The following HOXC4 variants were observed in gnomAD, a reference collection of about 807,000 sequenced individuals.
HOXC4 encodes the protein homeobox C4.
HOXC4 carries 15 observed loss-of-function variants against 25.5 expected under a neutral mutation model. The observed-to-expected ratio is 0.59, with a 90% CI of 0.39 to 0.91. The LOEUF is 0.91. HOXC4 is among the 40% of genes least tolerant of loss of function. The pLI is 0.00. For missense variants in HOXC4, 342 were observed against 352.4 expected (o/e 0.97, Z 0.24); for synonymous variants, 165 against 148.0 (o/e 1.11, Z -0.83).
intron 1 of HOXC4, chr12:54,020,460 C>T (rs963272010): frequency 3.3e-5 from 5 of 152,198 alleles, no homozygotes; most frequent in African/African-American, 1.2e-4. Context: ...GTTGTGATCC[C>T]GACAGAATGC....
At chr12:54,036,792 C>A (rs1034682255) in intron 1 of HOXC4, among the ~76,000 whole-genome samples, 1 of 152,332 alleles carries the variant, frequency 6.6e-6, no homozygotes, top group East Asian at 1.9e-4. Context: ...GAAGCACTGG[C>A]GTCTCCGGTG....
Position 54,055,169 on chromosome 12 carries a change from G to A in HOXC4, c.759G>A (p.Pro253=). 3 of 1,610,824 alleles carry A rather than the reference G, an allele frequency of 1.9e-6. No homozygotes were observed. The highest frequency in any genetic ancestry group is 2.2e-5 in the South Asian group (2 of 90,826). ...SEDHSQSATP[P]EQQRAEDITR... Reference sequence around the variant, plus strand: ...ACCACTCCCAGAGCGCCACGCCGCCGGAGCAGCAACGGGCAGAGGACATTA... The same window carrying A: ...ACCACTCCCAGAGCGCCACGCCGCCAGAGCAGCAACGGGCAGAGGACATTA... The change falls in exon 2 of 2, where the codon CCG becomes CCA. Residue 253 remains proline (P), a synonymous_variant. Transcript: ENST00000430889.
chr12:54,043,970 A>C (rs929653624), intron 1 of HOXC4, among the ~76,000 whole-genome samples: 8 of 106,944 alleles, frequency 7.5e-5, no homozygotes, highest in Admixed American at 3.6e-4. Context: ...GTGTGTGTTT[A>C]GGGAGTAGTA....
At position 54,054,920 on chromosome 12, in the gene HOXC4, A is replaced by T; in HGVS notation, c.510A>T (p.Glu170Asp). Residue 170 changes from glutamate to aspartate, a missense_variant, in exon 2 of 2, where the codon GAA (glutamate) becomes GAT (aspartate). Physicochemically the swap from Glu to Asp is conservative, Grantham distance 45. Coordinates refer to ENST00000430889, the MANE Select transcript of HOXC4 (RefSeq NM_153633.3). The part of the protein sequence containing the change: ...RTAYTRQQVL[E>D]LEKEFHYNRY... ...CCTATACCCGGCAGCAAGTCCTGGAATTAGAGAAAGAGTTTCATTACAACC... is the reference window on the plus strand; with the variant it reads ...CCTATACCCGGCAGCAAGTCCTGGATTTAGAGAAAGAGTTTCATTACAACC... 1 of 1,614,060 alleles carries T rather than the reference A, an allele frequency of 6.2e-7. No homozygotes were observed. Among genetic ancestry groups the T allele is most frequent in the Non-Finnish European group, 8.5e-7 (1 of 1,180,014 alleles).
upstream of HOXC4, among the ~76,000 whole-genome samples, chr12:54,050,068 C>T (rs1298157497): frequency 6.6e-6 from 1 of 152,140 alleles, no homozygotes; most frequent in Non-Finnish European, 1.5e-5. Flanking sequence ...AATTGGTTCA[C>T]CCATTTATTT....
chr12:54,032,699 C>G (rs776141940), intron 1 of HOXC4, among the ~76,000 whole-genome samples: 1 of 152,166 alleles, frequency 6.6e-6, no homozygotes, highest in African/African-American at 2.4e-5. Context: ...ATCCAGCCAC[C>G]GGAAAGCAAG....
At chr12:54,051,089 G>A (rs1171366150), upstream of HOXC4, among the ~76,000 whole-genome samples, 1 of 152,086 alleles carries the variant, frequency 6.6e-6, no homozygotes, top group African/African-American at 2.4e-5. Context: ...GTACAGGAGG[G>A]TGAAGATTGA....
intron 1 of HOXC4, among the ~76,000 whole-genome samples, chr12:54,027,700 TC>T (rs895918025): frequency 1.3e-5 from 2 of 151,994 alleles, no homozygotes; most frequent in African/African-American, 4.8e-5. Context: ...AACAGAGGGG[TC>T]CTGAGAAGGA....
chr12:54,034,762 A>C, intron 1 of HOXC4: 1 of 462,614 alleles, frequency 2.2e-6, no homozygotes, highest in Non-Finnish European at 4.0e-6. Context: ...ACTTCCCCGG[A>C]GGGCTGCGGC....
rs2136468242 is a variant in HOXC4, at chr12:54,054,200, A to T, written c.278A>T (p.Lys93Ile). 5 of 1,613,074 alleles carry T rather than the reference A, an allele frequency of 3.1e-6. No individual in the cohort carries two copies. Among genetic ancestry groups the T allele is most frequent in the Non-Finnish European group, 4.2e-6 (5 of 1,179,514 alleles). Residue 93 changes from lysine (K) to isoleucine (I), a missense_variant, in exon 1 of 2, where the codon AAA becomes ATA. Transcript: ENST00000430889. ...CAGGCGGGCCACCACCACCCCGAGA[A>T]ATCACAGTCGCTCTGCGAGCCGGCG... ...PAQAGHHHPE[K>I]SQSLCEPAPL... is the part of the protein sequence containing the mutation.
chr12:54,023,874 G>A (rs181800599), intron 1 of HOXC4, among the ~76,000 whole-genome samples: 40 of 152,306 alleles, frequency 2.6e-4, no homozygotes, highest in Non-Finnish European at 4.9e-4. Context: ...ATGCTTTGGT[G>A]TTCCCAAACA....
chr12:54,028,784 G>T, intron 1 of HOXC4: 1 of 1,614,140 alleles, frequency 6.2e-7, no homozygotes, highest in Non-Finnish European at 8.5e-7. Context: ...TCAAACTGCA[G>T]ACAAAACACC....
Position 54,054,156 on chromosome 12 carries a change from G to A in HOXC4, c.234G>A (p.Ser78=). Residue 78 remains serine (S), a synonymous_variant, in exon 1 of 2, where the codon TCG becomes TCA. Transcript: ENST00000430889. ...CCAGTCTCCAGGGGCCCGGCAATTC[G>A]CGAGGCCACGGGCCGGCCCAGGCGG... ...SCTSLQGPGN[S]RGHGPAQAGH... 6.2e-7 allele frequency: 1 copy of A among 1,613,832 alleles called. No individual in the cohort carries two copies. Among genetic ancestry groups the A allele is most frequent in the Non-Finnish European group, 8.5e-7 (1 of 1,179,946 alleles).
At position 54,047,199 on chromosome 12, in the gene HOXC4, G is replaced by A. The variant is rs558363139; in HGVS notation, c.-123-5961G>A. On this transcript the variant is annotated intron_variant, in intron 1 of 3. Coordinates refer to the HOXC4 transcript ENST00000303406. Reference sequence around the variant, plus strand: ...CTTTCAACACACACCTCATTCGGGGGAGGAGAAAAGCACAGGACCGCGGAG... The same window carrying A: ...CTTTCAACACACACCTCATTCGGGGAAGGAGAAAAGCACAGGACCGCGGAG... Among the ~76,000 whole-genome samples the A allele has an allele frequency of 4.8e-4, 73 of 152,390 alleles. No homozygotes were observed. The South Asian group carries it at 0.015, about 32-fold the overall frequency.
chr12:54,034,307 T>G, intron 1 of HOXC4: 1 of 1,614,086 alleles, frequency 6.2e-7, no homozygotes, highest in Non-Finnish European at 8.5e-7. Flanking sequence ...CCGAACCAGT[T>G]ACACGCGCTA....
chr12:54,034,375 G>T, intron 1 of HOXC4: 1 of 1,614,244 alleles, frequency 6.2e-7, no homozygotes, highest in Non-Finnish European at 8.5e-7. Context: ...CTCGCCGCAG[G>T]CGCATAGAGA....
intron 1 of HOXC4, chr12:54,034,770 G>C (rs1941138185): frequency 4.5e-6 from 2 of 448,558 alleles, no homozygotes; most frequent in South Asian, 2.2e-5. Context: ...GGAGGGCTGC[G>C]GCGTACAGGC....
Position 54,033,035 on chromosome 12 carries a change from T to G in HOXC4, c.-124+15621T>G. 3 of 1,068,138 alleles carry G rather than the reference T, an allele frequency of 2.8e-6. No homozygotes were observed. The South Asian group carries it at 4.6e-5, about 16-fold the overall frequency. 66.2% of individuals were successfully genotyped at this position (1,068,138 alleles called of 1,614,324 possible). ...ATCTCCACCTATAAATTGTCCACTT[T>G]GGAGAACAAAAAACCCCTCAACTTC... On this transcript the variant is annotated intron_variant, in intron 1 of 3. Coordinates refer to the HOXC4 transcript ENST00000303406.
chr12:54,053,920 T>C lies in HOXC4; in HGVS notation c.-3T>C. 3 of 1,598,090 alleles carry C rather than the reference T, an allele frequency of 1.9e-6. No individual in the cohort carries two copies. The highest frequency in any genetic ancestry group is 2.6e-6 in the Non-Finnish European group (3 of 1,167,120). On this transcript the variant is annotated 5_prime_UTR_variant, in exon 1 of 2. Coordinates refer to ENST00000430889, the MANE Select transcript of HOXC4 (RefSeq NM_153633.3). ...GAAAAATTATTTTCCACTCCAGAAA[T>C]TAATGATCATGAGCTCGTATTTGAT...
Sources: allele counts gnomAD v4.1 joint callset (sites outside exome capture counted in the v4.1 genomes callset), GRCh38; gene constraint gnomAD v4.1.1; transcripts MANE v1.5; gene names NCBI Gene and HGNC (gene_info 2026-07-23, HGNC 2026-07-21).